Variants in DAPK1 observed in about 807,000 individuals in gnomAD.
DAPK1 encodes the protein death-associated protein kinase 1.
A neutral mutation model predicts 144.9 loss-of-function variants in DAPK1; 56 were observed. The observed-to-expected ratio is 0.39, with a 90% confidence interval of 0.31 to 0.48. The LOEUF is 0.48. DAPK1 is among the 20% of genes least tolerant of loss of function. The pLI is 0.95. For synonymous variants in DAPK1, 690 were observed against 749.0 expected (o/e 0.92, Z 1.29); for missense variants, 1,454 against 1,875.4 (o/e 0.78, Z 4.15).
intron 21 of DAPK1, among the ~76,000 whole-genome samples, chr9:87,695,235 G>A (rs2118005815): frequency 6.6e-6 from 1 of 152,324 alleles, no homozygotes; most frequent in Middle Eastern, 3.4e-3. Context: ...TAAGCAGCCA[G>A]CTTTGGAGGG....
At chr9:87,589,470 C>T (rs749109245) in intron 2 of DAPK1, among the ~76,000 whole-genome samples, 6 of 152,098 alleles carry the variant, frequency 3.9e-5, no homozygotes, top group Admixed American at 2.0e-4. Context: ...CTTAAACTCA[C>T]GAGGGGCTGC....
At chr9:87,630,518 G>T (rs36210370) in intron 3 of DAPK1, among the ~76,000 whole-genome samples, 3 of 152,118 alleles carry the variant, frequency 2.0e-5, no homozygotes, top group African/African-American at 7.2e-5. Flanking sequence ...TGGGTCACCT[G>T]TGTTCTGGTG....
intron 3 of DAPK1, among the ~76,000 whole-genome samples, chr9:87,606,619 CTCTCCCTCCTTT>C (rs1170641026): frequency 9.2e-6 from 1 of 108,738 alleles, no homozygotes; most frequent in African/African-American, 3.4e-5. Context: ...CTCCCTCTCT[CTCTCCCTCCTTT>C]TCTCCCTCCC....
intron 3 of DAPK1, among the ~76,000 whole-genome samples, chr9:87,613,346 A>G (rs1413081005): frequency 6.6e-6 from 1 of 152,204 alleles, no homozygotes; most frequent in Non-Finnish European, 1.5e-5. Flanking sequence ...TGCTGTGCCT[A>G]TTGAACAACT....
chr9:87,524,957 T>C (rs936834452), intron 2 of DAPK1, among the ~76,000 whole-genome samples: 1 of 152,208 alleles, frequency 6.6e-6, no homozygotes, highest in African/African-American at 2.4e-5. Flanking sequence ...GCTCGGGTGA[T>C]GGATGCACCA....
rs71354773 is a variant in DAPK1, at chr9:87,643,366, T to TTAA, written c.919-10_919-9insTAA. 3.0e-6 allele frequency: 4 copies of TTAA among 1,349,806 alleles called. No homozygotes were observed. In the African/African-American group the frequency reaches 5.5e-5, roughly 18 times the overall value. 83.6% of individuals were successfully genotyped at this position (1,349,806 alleles called of 1,614,324 possible). On this transcript the variant is annotated splice_polypyrimidine_tract_variant and intron_variant, in intron 10 of 25. Coordinates refer to ENST00000408954, the MANE Select transcript of DAPK1 (RefSeq NM_004938.4). ...CCCTCCCTTTTTTTTTTTTTTTTTT[T>TTAA]AAAAAAAAGCAATCCGTTCGCTTGA... is the stretch of plus-strand genomic sequence containing the variant.
intron 2 of DAPK1, among the ~76,000 whole-genome samples, chr9:87,512,378 C>T (rs1250195986): frequency 1.3e-5 from 2 of 152,070 alleles, no homozygotes; most frequent in East Asian, 3.9e-4. Flanking sequence ...TGCAGCATGT[C>T]AGACAGACAG....
At chr9:87,614,024 GTC>G (rs1829013935) in intron 3 of DAPK1, among the ~76,000 whole-genome samples, 1 of 152,240 alleles carries the variant, frequency 6.6e-6, no homozygotes, top group Non-Finnish European at 1.5e-5. Flanking sequence ...TTTGGCAGCA[GTC>G]TCTGCCTTTC....
At chr9:87,499,179 A>G (rs1405065652) in intron 2 of DAPK1, 40 bp downstream of exon 2, 5 of 1,558,294 alleles carry the variant, frequency 3.2e-6, no homozygotes, top group Middle Eastern at 3.4e-4. Flanking sequence ...TGGATTGTGG[A>G]AATGCATAAC....
At chr9:87,684,295 A>G (rs1430640813) in intron 20 of DAPK1, among the ~76,000 whole-genome samples, 1 of 152,160 alleles carries the variant, frequency 6.6e-6, no homozygotes, top group Non-Finnish European at 1.5e-5. Flanking sequence ...TGAAGCAGCA[A>G]CACTGTCACC....
At chr9:87,504,672 C>T (rs558702924) in intron 2 of DAPK1, among the ~76,000 whole-genome samples, 1 of 152,288 alleles carries the variant, frequency 6.6e-6, no homozygotes, top group South Asian at 2.1e-4. Context: ...TGCACTCATC[C>T]CTCGGTATCC....
At chr9:87,584,907 C>T (rs188691714) in intron 2 of DAPK1, among the ~76,000 whole-genome samples, 4 of 152,284 alleles carry the variant, frequency 2.6e-5, no homozygotes, top group Non-Finnish European at 5.9e-5. Context: ...GAACTCCTGA[C>T]CTCAGGTGAT....
rs762006184 is a variant in DAPK1 at position 87,706,343 on chromosome 9, G to T, written c.3272G>T (p.Cys1091Phe). Residue 1091 changes from cysteine (C) to phenylalanine (F), a missense_variant, in exon 26 of 26, where the codon TGC becomes TTC. Physicochemically the swap from Cys to Phe is radical, Grantham distance 205. This residue lies in a region of DAPK1 where 1,025 missense variants were observed against 1,237.9 expected (regional missense o/e 0.83). Transcript: ENST00000408954. This position sits in a 1 kb window ranked among gnomAD's most constrained non-coding sequence, Gnocchi z 9.0. The stretch of plus-strand genomic sequence containing the variant: ...CAGATCCTCGATGCCATGGACATCT[G>T]CGCCCGGGACCTGAGCAGCGGGACC... The part of the protein sequence containing the change: ...LLQILDAMDI[C>F]ARDLSSGTMV... 6.2e-7 allele frequency: 1 copy of T among 1,607,756 alleles called. No individual in the cohort carries two copies. Among genetic ancestry groups the T allele is most frequent in the South Asian group, 1.1e-5 (1 of 90,194 alleles).
At chr9:87,530,997 C>T (rs967091531) in intron 2 of DAPK1, among the ~76,000 whole-genome samples, 1 of 152,142 alleles carries the variant, frequency 6.6e-6, no homozygotes, top group African/African-American at 2.4e-5. Flanking sequence ...AAAAACAGAC[C>T]AGTGAATTCA....
intron 2 of DAPK1, 130 bp from the exon 3 acceptor site, chr9:87,604,824 A>G: frequency 1.4e-6 from 1 of 720,926 alleles, no homozygotes; most frequent in Non-Finnish European, 2.3e-6. Flanking sequence ...TCCCTACCTA[A>G]TTTGTTACTT....
chr9:87,504,839 TG>T (rs1824529063), intron 2 of DAPK1, among the ~76,000 whole-genome samples: 1 of 152,224 alleles, frequency 6.6e-6, no homozygotes, highest in South Asian at 2.1e-4. Context: ...ACAATGTAAA[TG>T]CTAACTAAAT....
chr9:87,706,988 A>G lies in DAPK1; in HGVS notation c.3917A>G (p.Asn1306Ser), dbSNP rs1404476454. The change falls in exon 26 of 26, where the codon AAC becomes AGC. Residue 1306 changes from asparagine (N) to serine (S), a missense_variant. Asn to Ser is a conservative substitution (Grantham distance 46). Coordinates refer to ENST00000408954, the MANE Select transcript of DAPK1 (RefSeq NM_004938.4). The surrounding 1 kb of genome is among the most constrained non-coding windows in gnomAD (Gnocchi z 9.0). ...ATGGACATCCATGCATCAGACCTGA[A>G]CCTCCTCACTCGGAGGAAACTGAGT... Reference protein sequence around the residue: ...LGMDIHASDLNLLTRRKLSRL... With the variant: ...LGMDIHASDLSLLTRRKLSRL... 2 of 1,613,536 alleles carry G rather than the reference A, an allele frequency of 1.2e-6. No individual in the cohort carries two copies. Among genetic ancestry groups the G allele is most frequent in the Non-Finnish European group, 8.5e-7 (1 of 1,179,918 alleles).
At chr9:87,651,949 G>T (rs1830458824) in intron 17 of DAPK1, among the ~76,000 whole-genome samples, 1 of 131,276 alleles carries the variant, frequency 7.6e-6, no homozygotes, top group Admixed American at 7.3e-5. Flanking sequence ...CTGATCCCGG[G>T]TCCTGATTCT....
chr9:87,675,848 TACACACACACACACACAC>T (rs763359644), intron 19 of DAPK1, among the ~76,000 whole-genome samples: 18 of 117,346 alleles, frequency 1.5e-4, no homozygotes, highest in Middle Eastern at 5.0e-3. Flanking sequence ...CATTCTACCC[TACACACACACACACACAC>T]ACACACACAC....
Sources: gnomAD v4.1 joint callset for allele counts (sites outside exome capture counted in the v4.1 genomes callset) on GRCh38, gnomAD v4.1.1 for gene constraint, gnomAD v4.1.1 regional missense constraint, Gnocchi (gnomAD v3.1) non-coding constraint, MANE v1.5 for transcripts, NCBI Gene and HGNC (gene_info 2026-07-23, HGNC 2026-07-21) for gene names.